CACNA2D4: variants seen among roughly 807,000 people sequenced by gnomAD.
The protein encoded by CACNA2D4 is voltage-dependent calcium channel subunit alpha-2/delta-4.
In CACNA2D4, 157 loss-of-function variants were observed where a neutral mutation model predicts 163.8. The observed-to-expected ratio is 0.96, with a 90% CI of 0.84 to 1.09. CACNA2D4 has a LOEUF of 1.09. Among genes scored for constraint, CACNA2D4 ranks in the 50% least tolerant of loss-of-function variants. The pLI is 0.00. For missense variants in CACNA2D4, 1,410 were observed against 1,479.9 expected, an observed-to-expected ratio of 0.95 and a Z score of 0.78; for synonymous variants, 598 against 586.9, an observed-to-expected ratio of 1.02 and a Z score of -0.27.
chr12:1,907,600 C>G, intron 5 of CACNA2D4, 29 bp from the exon 6 acceptor site: 2 of 1,600,982 alleles, frequency 1.2e-6, no homozygotes, highest in Non-Finnish European at 1.7e-6. Context: ...GATTATGATC[C>G]TGTAGAACTT....
intron 23 of CACNA2D4, among the ~76,000 whole-genome samples, chr12:1,847,822 T>C (rs1400599947): frequency 1.3e-5 from 2 of 151,950 alleles, no homozygotes; most frequent in African/African-American, 2.4e-5. Flanking sequence ...CCCAGATATT[T>C]CATGGGTAAA....
intron 24 of CACNA2D4, 32 bp downstream of exon 24, chr12:1,846,562 A>T: frequency 6.5e-7 from 1 of 1,530,468 alleles, no homozygotes; most frequent in African/African-American, 1.4e-5. Flanking sequence ...CCCTGCAGGG[A>T]TTGCCCTCCC....
intron 36 of CACNA2D4, 104 bp downstream of exon 36, chr12:1,795,558 AGGACAC>A: frequency 1.4e-6 from 1 of 735,108 alleles, no homozygotes. Flanking sequence ...AGCCCTGTGG[AGGACAC>A]GGGCGGTGAA....
At chr12:1,882,564 C>T (rs917415473) in intron 13 of CACNA2D4, among the ~76,000 whole-genome samples, 6 of 151,968 alleles carry the variant, frequency 3.9e-5, no homozygotes, top group African/African-American at 1.2e-4. Context: ...ATGAGGGAGG[C>T]GAGGACTGTG....
rs779550821 is a variant in CACNA2D4 at position 1,798,799 on chromosome 12, G to A, written c.2995+876C>T. ...CAAGATGCAGCTGCTGACAGAGACA[G>A]AGGGGACAGTGTCCTGTCACTGACA... On this transcript the variant is annotated intron_variant, in intron 34 of 37. Transcript: ENST00000382722. This position sits in a 1 kb window ranked among gnomAD's most constrained non-coding sequence, Gnocchi z 4.3. Among the ~76,000 whole-genome samples the A allele has an allele frequency of 6.6e-6, 1 of 152,198 alleles. No individual in the cohort carries two copies. Among genetic ancestry groups the A allele is most frequent in the Non-Finnish European group, 1.5e-5 (1 of 68,036 alleles).
chr12:1,795,214 G>A (rs1312112308), intron 37 of CACNA2D4, 85 bp downstream of exon 37: 1 of 1,243,948 alleles, frequency 8.0e-7, no homozygotes, highest in Admixed American at 1.9e-5. Flanking sequence ...ATCCCTATAT[G>A]CTCCTGTCTG....
In CACNA2D4 at chr12:1,879,844, G is replaced by T. The variant is rs769190279; in HGVS notation, c.1523C>A (p.Thr508Asn). 1.0e-5 allele frequency: 16 copies of T among 1,603,606 alleles called. No homozygotes were observed. In the African/African-American group the frequency reaches 1.3e-4, roughly 13 times the overall value. ...SSQAQSLTLL[T>N]TVAMPVFSKK... is the part of the protein sequence containing the mutation. Reference sequence around the variant, plus strand: ...GCTGAAGACTGGCATGGCCACAGTGGTGAGCAGTGTCAGGCTCTGAGCCTG... The same window carrying T: ...GCTGAAGACTGGCATGGCCACAGTGTTGAGCAGTGTCAGGCTCTGAGCCTG... The change falls in exon 14 of 38, where the codon ACC becomes AAC. Residue 508 changes from threonine (T) to asparagine (N), a missense_variant. Thr to Asn is a moderately conservative substitution (Grantham distance 65). Transcript: ENST00000382722.
intron 26 of CACNA2D4, among the ~76,000 whole-genome samples, chr12:1,822,431 C>G (rs1239895115): frequency 1.3e-5 from 2 of 152,124 alleles, no homozygotes; most frequent in Non-Finnish European, 2.9e-5. Flanking sequence ...GCCAAGCCTC[C>G]TGTGCCCTGC....
chr12:1,861,902 C>G (rs1254344750), intron 18 of CACNA2D4, among the ~76,000 whole-genome samples: 2 of 152,224 alleles, frequency 1.3e-5, no homozygotes, highest in Non-Finnish European at 2.9e-5. Context: ...CCATCCCATC[C>G]CACTCCTTCA....
chr12:1,810,667 G>T, intron 27 of CACNA2D4, 80 bp from the exon 28 acceptor site: 1 of 1,387,616 alleles, frequency 7.2e-7, no homozygotes, highest in Non-Finnish European at 1.0e-6. Context: ...TGCTGTGTGT[G>T]TGGTACGTCT....
chr12:1,874,365 C>G lies in CACNA2D4; in HGVS notation c.1878+239G>C, dbSNP rs542258320. ...TGTAAATGCCTTGGCCAGCTTTCTC[C>G]CCAGCTCAGCGGTCTCCCAAAAGCC... On this transcript the variant is annotated intron_variant, in intron 18 of 37. Transcript: ENST00000382722. This position sits in a 1 kb window ranked among gnomAD's most constrained non-coding sequence, Gnocchi z 4.4. Among the ~76,000 whole-genome samples, 1 of 152,190 alleles carries G rather than the reference C, an allele frequency of 6.6e-6. No homozygotes were observed. Among genetic ancestry groups the G allele is most frequent in the Non-Finnish European group, 1.5e-5 (1 of 68,036 alleles).
Position 1,871,038 on chromosome 12 carries a change from T to C in CACNA2D4, c.1878+3566A>G, listed in dbSNP as rs202147550. 7.2e-4 allele frequency among the ~76,000 whole-genome samples: 110 copies of C among 152,308 alleles called. 2 individuals carry two copies. In the East Asian group the frequency reaches 0.018, roughly 25 times the overall value. On this transcript the variant is annotated intron_variant, in intron 18 of 37. Transcript: ENST00000382722. ...GCTCTGAATGCCAGCCGCTGGTGTG[T>C]GTGTGTATACGTGTGTGTTGCTGGT...
At chr12:1,859,177 C>T (rs1349874036) in intron 19 of CACNA2D4, among the ~76,000 whole-genome samples, 1 of 152,098 alleles carries the variant, frequency 6.6e-6, no homozygotes, top group African/African-American at 2.4e-5. Context: ...AGCGAGACCC[C>T]AGCTCTAAAA....
chr12:1,800,431 GA>G lies in CACNA2D4; in HGVS notation c.2875del (p.Ser959LeufsTer4). The part of the protein sequence containing the change: ...SAAQPLVSPI[S>X]AFLTATRWLL... ...CCACCTGGTCGCCGTCAAGAAGGCA[GA>G]AATTGGCTGGGAAGGAGAGAGTGCA... is the stretch of plus-strand genomic sequence containing the variant. On this transcript the variant is annotated frameshift_variant, in exon 32 of 38. Transcript: ENST00000382722. LOFTEE classifies it high-confidence loss of function. 2 of 1,613,896 alleles carry G rather than the reference GA, an allele frequency of 1.2e-6. No individual in the cohort carries two copies. The highest frequency in any genetic ancestry group is 2.2e-5 in the South Asian group (2 of 91,088).
At chr12:1,871,002 G>A (rs551332734) in intron 18 of CACNA2D4, among the ~76,000 whole-genome samples, 26 of 152,322 alleles carry the variant, frequency 1.7e-4, no homozygotes, top group African/African-American at 5.8e-4. Flanking sequence ...GGAGGAACAC[G>A]AGGCAAAGCT....
At chr12:1,913,518 C>T (rs1046126605) in intron 2 of CACNA2D4, among the ~76,000 whole-genome samples, 3 of 152,214 alleles carry the variant, frequency 2.0e-5, no homozygotes, top group Non-Finnish European at 4.4e-5. Context: ...CACGCTGCAT[C>T]CCAGGGCTTG....
Position 1,834,808 on chromosome 12 carries a change from G to T in CACNA2D4, c.2551+5931C>A, listed in dbSNP as rs1864786186. Reference sequence around the variant, plus strand: ...CAGCTCCCACCTTGACCCGGCGCTGGCCACTGCCTCCCCGAGTCCACCCTC... The same window carrying T: ...CAGCTCCCACCTTGACCCGGCGCTGTCCACTGCCTCCCCGAGTCCACCCTC... On this transcript the variant is annotated intron_variant, in intron 26 of 37. Transcript: ENST00000382722. This position sits in a 1 kb window ranked among gnomAD's most constrained non-coding sequence, Gnocchi z 7.6. The T allele has an allele frequency of 6.8e-7, 1 of 1,463,830 alleles. No individual in the cohort carries two copies. The highest frequency in any genetic ancestry group is 1.4e-5 in the African/African-American group (1 of 71,322). The allele number at this position is 1,463,830 out of a possible 1,614,324, so 90.7% of individuals were successfully genotyped here.
At chr12:1,891,678 G>T (rs1423332313) in intron 6 of CACNA2D4, among the ~76,000 whole-genome samples, 2 of 151,332 alleles carry the variant, frequency 1.3e-5, no homozygotes, top group African/African-American at 4.9e-5. Context: ...GCAATGCAAA[G>T]AAATAAAAAA....
chr12:1,807,536 G>A (rs999975101), intron 29 of CACNA2D4, among the ~76,000 whole-genome samples: 4 of 152,072 alleles, frequency 2.6e-5, no homozygotes, highest in South Asian at 4.2e-4. Flanking sequence ...ACAGATGGAC[G>A]GACAGAGGGT....
Sources: allele counts gnomAD v4.1 joint callset (sites outside exome capture counted in the v4.1 genomes callset), GRCh38; gene constraint gnomAD v4.1.1; non-coding constraint Gnocchi (gnomAD v3.1); transcripts MANE v1.5; gene names NCBI Gene and HGNC (gene_info 2026-07-23, HGNC 2026-07-21).